The following GKN2 variants were observed in gnomAD, a reference collection of about 807,000 sequenced individuals.
GKN2 encodes the protein gastrokine 2, also known as gastrokine-2.
A neutral mutation model predicts 22.7 loss-of-function variants in GKN2; 17 were observed. The ratio of observed to expected loss-of-function variants is 0.75; its 90% CI spans 0.51 to 1.13. GKN2 has a LOEUF of 1.13. GKN2 is among the 50% of genes most tolerant of loss of function. The pLI, the probability that GKN2 is intolerant of heterozygous loss-of-function variation, is 0.00. For synonymous variants in GKN2, 82 were observed against 79.6 expected, an observed-to-expected ratio of 1.03 and a Z score of -0.16; for missense variants, 248 against 221.4, an observed-to-expected ratio of 1.12 and a Z score of -0.76.
At chr2:68,947,927 G>C (rs1280625347) in intron 3 of GKN2, among the ~76,000 whole-genome samples, 1 of 152,032 alleles carries the variant, frequency 6.6e-6, no homozygotes. Context: ...TCCCCAGTTT[G>C]GGGTAAATAG....
At chr2:68,951,622 C>T (rs1669857324) in intron 1 of GKN2, among the ~76,000 whole-genome samples, 1 of 152,156 alleles carries the variant, frequency 6.6e-6, no homozygotes, top group Non-Finnish European at 1.5e-5. Context: ...CTTTCCATCC[C>T]ACCCTTAATA....
intron 1 of GKN2, among the ~76,000 whole-genome samples, chr2:68,951,559 T>C (rs886906383): frequency 6.6e-6 from 1 of 152,044 alleles, no homozygotes; most frequent in Non-Finnish European, 1.5e-5. Flanking sequence ...ATGAAAGGAG[T>C]CTTGGGGAAG....
intron 3 of GKN2, 25 bp from the exon 4 acceptor site, chr2:68,947,282 T>C (rs765994709): frequency 2.1e-6 from 3 of 1,439,548 alleles, no homozygotes; most frequent in Non-Finnish European, 2.0e-6. Flanking sequence ...GTACAGTTAC[T>C]GTTCCTCCCT....
intron 5 of GKN2, chr2:68,946,006 T>A (rs1354156838): frequency 7.6e-6 from 3 of 397,316 alleles, no homozygotes; most frequent in East Asian, 7.3e-5. Flanking sequence ...TTCTTACATA[T>A]GAAAGTATAC....
Position 68,947,186 on chromosome 2 carries a change from A to T in GKN2, c.276T>A (p.Pro92=). The change falls in exon 4 of 6, where the codon CCT becomes CCA. Residue 92 remains proline (P), a synonymous_variant. Transcript: ENST00000328895. ...TGTACCATTGGAGATTGTTCAGAGG[A>T]GGGATGTTCTGATGGTCCATCTTCA... is the stretch of plus-strand genomic sequence containing the variant. ...FILKMDHQNI[P]PLNNLQWYIY... 1 of 1,613,656 alleles carries T rather than the reference A, an allele frequency of 6.2e-7. No homozygotes were observed. Among genetic ancestry groups the T allele is most frequent in the Non-Finnish European group, 8.5e-7 (1 of 1,179,586 alleles).
chr2:68,945,286 T>C lies in GKN2; in HGVS notation c.*82A>G, dbSNP rs1669747101. On this transcript the variant is annotated 3_prime_UTR_variant, in exon 6 of 6. Transcript: ENST00000328895. ...CTGAATCTCAAAATTAGTTGGGGCATTGGGAAAGAATTTAATTTGACTTTT... is the reference window on the plus strand; with the variant it reads ...CTGAATCTCAAAATTAGTTGGGGCACTGGGAAAGAATTTAATTTGACTTTT... The C allele has an allele frequency of 2.0e-6, 2 of 977,334 alleles. No homozygotes were observed. Among genetic ancestry groups the C allele is most frequent in the African/African-American group, 1.6e-5 (1 of 62,084 alleles). The allele number at this position is 977,334 out of a possible 1,614,324, so 60.5% of individuals were successfully genotyped here. A position where few individuals can be genotyped will look rare whatever the true frequency, so the allele number is the denominator to read the frequency against.
At chr2:68,945,556 T>C in intron 5 of GKN2, 106 bp from the exon 6 acceptor site, 2 of 833,616 alleles carry the variant, frequency 2.4e-6, no homozygotes, top group South Asian at 3.5e-5. Context: ...CTTTTGGAAG[T>C]GCTGGTTGGC....
chr2:68,949,498 C>G (rs1669823245), intron 3 of GKN2, among the ~76,000 whole-genome samples: 1 of 152,074 alleles, frequency 6.6e-6, no homozygotes, highest in Non-Finnish European at 1.5e-5. Flanking sequence ...CAGCTCACTG[C>G]AGCCTTGACT....
In GKN2 at chr2:68,949,518, C is replaced by T. The variant is rs550554464; in HGVS notation, c.204+608G>A. Among the ~76,000 whole-genome samples the T allele has an allele frequency of 9.9e-5, 15 of 152,186 alleles. No individual in the cohort carries two copies. In the South Asian group the frequency reaches 2.5e-3, roughly 25 times the overall value. On this transcript the variant is annotated intron_variant, in intron 3 of 5. Transcript: ENST00000328895. ...CACTGCAGCCTTGACTTCCTGGGCT[C>T]CAGCAATCCTCCCACCTCAGCCTCC...
In GKN2 at chr2:68,947,182, G is replaced by A; in HGVS notation, c.280C>T (p.Leu94=). 1.2e-6 allele frequency: 2 copies of A among 1,613,506 alleles called. No homozygotes were observed. The highest frequency in any genetic ancestry group is 1.7e-6 in the Non-Finnish European group (2 of 1,179,452). Residue 94 remains leucine (L), a synonymous_variant, in exon 4 of 6, where the codon CTG becomes TTG. Coordinates refer to ENST00000328895, the MANE Select transcript of GKN2 (RefSeq NM_182536.3). The stretch of plus-strand genomic sequence containing the variant: ...TAGATGTACCATTGGAGATTGTTCA[G>A]AGGAGGGATGTTCTGATGGTCCATC... ...LKMDHQNIPP[L]NNLQWYIYEK...
In GKN2 at chr2:68,947,190, A is replaced by G. The variant is rs778185096; in HGVS notation, c.272T>C (p.Ile91Thr). 2 of 1,613,788 alleles carry G rather than the reference A, an allele frequency of 1.2e-6. No individual in the cohort carries two copies. Among genetic ancestry groups the G allele is most frequent in the Admixed American group, 3.3e-5 (2 of 60,000 alleles). ...CCATTGGAGATTGTTCAGAGGAGGG[A>G]TGTTCTGATGGTCCATCTTCAGGAT... ...CFILKMDHQN[I>T]PPLNNLQWYI... Residue 91 changes from isoleucine (I) to threonine (T), a missense_variant, in exon 4 of 6, where the codon ATC becomes ACC. Physicochemically the swap from Ile to Thr is moderately conservative, Grantham distance 89. Transcript: ENST00000328895.
intron 1 of GKN2, 94 bp downstream of exon 1, chr2:68,952,752 ATCTG>A (rs1018298290): frequency 4.4e-5 from 52 of 1,175,274 alleles, no homozygotes; most frequent in Admixed American, 3.8e-4. Flanking sequence ...CATGCACAGT[ATCTG>A]TCTAAGACTC....
At position 68,945,454 on chromosome 2, in the gene GKN2, GA is replaced by G; in HGVS notation, c.473-5del. ...CAGCCTCCAGCACCGACATTATCTGGAAAAGGGAAAATTTTTCAGAGAAAGA... is the reference window on the plus strand; with the variant it reads ...CAGCCTCCAGCACCGACATTATCTGGAAAGGGAAAATTTTTCAGAGAAAGA... On this transcript the variant is annotated splice_region_variant and splice_polypyrimidine_tract_variant and intron_variant, in intron 5 of 5. Transcript: ENST00000328895. 1 of 1,599,894 alleles carries G rather than the reference GA, an allele frequency of 6.3e-7. No homozygotes were observed. The highest frequency in any genetic ancestry group is 1.1e-5 in the South Asian group (1 of 88,568).
chr2:68,948,294 T>C (rs564488656), intron 3 of GKN2, among the ~76,000 whole-genome samples: 30 of 151,684 alleles, frequency 2.0e-4, no homozygotes, highest in African/African-American at 7.3e-4. Flanking sequence ...TGATAGTTAT[T>C]AGCTATATGC....
intron 3 of GKN2, among the ~76,000 whole-genome samples, chr2:68,949,666 C>T (rs541722284): frequency 3.3e-5 from 5 of 152,248 alleles, no homozygotes; most frequent in Admixed American, 6.5e-5. Context: ...GAGATCCTCC[C>T]GCCTCAGACT....
chr2:68,947,181 A>G lies in GKN2; in HGVS notation c.281T>C (p.Leu94Pro), dbSNP rs1387446050. The G allele has an allele frequency of 6.2e-7, 1 of 1,613,438 alleles. No homozygotes were observed. Among genetic ancestry groups the G allele is most frequent in the Non-Finnish European group, 8.5e-7 (1 of 1,179,378 alleles). Residue 94 changes from leucine to proline, a missense_variant, in exon 4 of 6, where the codon CTG (leucine) becomes CCG (proline). Transcript: ENST00000328895. ...ATAGATGTACCATTGGAGATTGTTC[A>G]GAGGAGGGATGTTCTGATGGTCCAT... ...LKMDHQNIPP[L>P]NNLQWYIYEK... is the part of the protein sequence containing the mutation.
chr2:68,945,491 A>C, intron 5 of GKN2, 41 bp from the exon 6 acceptor site: 1 of 1,388,084 alleles, frequency 7.2e-7, no homozygotes, highest in Admixed American at 1.8e-5. Flanking sequence ...GCATTAAAAA[A>C]TATATTATTG....
chr2:68,949,773 G>A (rs11899979), intron 3 of GKN2, among the ~76,000 whole-genome samples: 88,622 of 152,006 alleles, frequency 0.58, 28,483 homozygotes, highest in African/African-American at 0.87. Flanking sequence ...TCATTCATTT[G>A]TTCACTCAAC....
intron 1 of GKN2, 61 bp from the exon 2 acceptor site, chr2:68,950,816 G>T: frequency 1.3e-6 from 2 of 1,524,634 alleles, no homozygotes; most frequent in South Asian, 2.2e-5. Context: ...TGGGACAGGA[G>T]GAAACACTGG....
Sources: allele counts gnomAD v4.1 joint callset (sites outside exome capture counted in the v4.1 genomes callset), GRCh38; gene constraint gnomAD v4.1.1; transcripts MANE v1.5; gene names NCBI Gene and HGNC (gene_info 2026-07-23, HGNC 2026-07-21).